Variants in ZSWIM4 observed in about 807,000 individuals in gnomAD.
ZSWIM4 encodes the protein zinc finger SWIM domain-containing protein 4.
A neutral mutation model predicts 102.5 loss-of-function variants in ZSWIM4; 62 were observed. That is an observed-to-expected ratio of 0.60 (90% CI 0.49 to 0.75). ZSWIM4 has a LOEUF of 0.75. ZSWIM4 is among the 30% of genes least tolerant of loss of function. ZSWIM4 has a pLI of 0.00. For synonymous variants in ZSWIM4, 652 were observed against 674.5 expected, an observed-to-expected ratio of 0.97 and a Z score of 0.52; for missense variants, 1,280 against 1,529.6, an observed-to-expected ratio of 0.84 and a Z score of 2.72.
chr19:13,817,958 G>A lies in ZSWIM4; in HGVS notation c.1906G>A (p.Ala636Thr), dbSNP rs751983150. 76 of 1,517,842 alleles carry A rather than the reference G, an allele frequency of 5.0e-5. No homozygotes were observed. Among genetic ancestry groups the A allele is most frequent in the Middle Eastern group, 2.2e-4 (1 of 4,448 alleles). 94.0% of individuals were successfully genotyped at this position (1,517,842 alleles called of 1,614,324 possible). A position where few individuals can be genotyped will look rare whatever the true frequency, so the allele number is the denominator to read the frequency against. The change falls in exon 9 of 14, where the codon GCG (alanine) becomes ACG (threonine). Residue 636 changes from alanine (A) to threonine (T), a missense_variant. Transcript: ENST00000590508. ...GTTGGTGCAGGTGCTGCGCAAGCAG[G>A]CGGGGCTGCTGCTGGAAGGTGAGGC... The part of the protein sequence containing the change: ...ERLVQVLRKQ[A>T]GLLLEGGPFS...
intron 3 of ZSWIM4, among the ~76,000 whole-genome samples, chr19:13,805,522 T>G (rs1974896274): frequency 6.8e-6 from 1 of 147,104 alleles, no homozygotes; most frequent in Non-Finnish European, 1.5e-5. Context: ...GTGTCAGAGG[T>G]GTTATGGGTG....
rs1188564641 is a variant in ZSWIM4 at position 13,830,478 on chromosome 19, C to G, written c.2749C>G (p.Leu917Val). The change falls in exon 14 of 14, where the codon CTG becomes GTG. Residue 917 changes from leucine to valine, a missense_variant. Transcript: ENST00000590508. Reference sequence around the variant, plus strand: ...CGTGCTGGACGCGGCGGCCGGCGGCCTGGGCCACGCCCACCTCTTCACTGT... The same window carrying G: ...CGTGCTGGACGCGGCGGCCGGCGGCGTGGGCCACGCCCACCTCTTCACTGT... Reference protein sequence around the residue: ...QIVLDAAAGGLGHAHLFTVAR... With the variant: ...QIVLDAAAGGVGHAHLFTVAR... 2 of 1,602,050 alleles carry G rather than the reference C, an allele frequency of 1.2e-6. No homozygotes were observed. Among genetic ancestry groups the G allele is most frequent in the South Asian group, 2.2e-5 (2 of 91,028 alleles).
At chr19:13,828,770 G>T (rs111409282) in intron 13 of ZSWIM4, 44 bp downstream of exon 13, 2 of 1,576,050 alleles carry the variant, frequency 1.3e-6, no homozygotes, top group Non-Finnish European at 1.7e-6. Flanking sequence ...CGCTGTTCTG[G>T]TTCTGCAGAG....
chr19:13,818,074 C>A (rs1568339538), intron 9 of ZSWIM4, 98 bp downstream of exon 9: 8 of 1,408,082 alleles, frequency 5.7e-6, no homozygotes, highest in Non-Finnish European at 6.5e-6. Context: ...GGCCCCGCCC[C>A]AGCCCCGCCC....
intron 12 of ZSWIM4, 64 bp from the exon 13 acceptor site, chr19:13,828,581 A>T (rs1232471838): frequency 6.7e-7 from 1 of 1,488,820 alleles, no homozygotes; most frequent in Non-Finnish European, 9.4e-7. Flanking sequence ...CCATCTCCCA[A>T]CGCCCCTCCA....
chr19:13,820,761 A>T (rs772140528), intron 10 of ZSWIM4, among the ~76,000 whole-genome samples: 1 of 152,176 alleles, frequency 6.6e-6, no homozygotes, highest in Non-Finnish European at 1.5e-5. Flanking sequence ...TACATCCTGT[A>T]TCTATTCTTT....
At chr19:13,812,301 T>G (rs1005386221) in intron 5 of ZSWIM4, among the ~76,000 whole-genome samples, 3 of 151,954 alleles carry the variant, frequency 2.0e-5, no homozygotes, top group Admixed American at 6.6e-5. Flanking sequence ...GTTTTTGTTT[T>G]GTTTTGTTTT....
At chr19:13,815,401 C>T (rs2145327208) in intron 7 of ZSWIM4, 1 of 151,420 alleles carries the variant, frequency 6.6e-6, no homozygotes, top group East Asian at 1.9e-4. Flanking sequence ...GGTGATCTGC[C>T]TGCCTTGGCC....
intron 2 of ZSWIM4, among the ~76,000 whole-genome samples, chr19:13,802,664 A>G (rs1287842797): frequency 2.6e-5 from 4 of 151,316 alleles, no homozygotes; most frequent in Non-Finnish European, 5.9e-5. Flanking sequence ...CTGCAGCCAC[A>G]AACATCTGAG....
chr19:13,811,827 C>T (rs1975102183), intron 5 of ZSWIM4, among the ~76,000 whole-genome samples: 1 of 152,202 alleles, frequency 6.6e-6, no homozygotes, highest in African/African-American at 2.4e-5. Flanking sequence ...TTAATTCCAG[C>T]AGTTTGGGAG....
At chr19:13,815,837 G>T (rs1183111124) in intron 7 of ZSWIM4, among the ~76,000 whole-genome samples, 1 of 151,750 alleles carries the variant, frequency 6.6e-6, no homozygotes, top group African/African-American at 2.4e-5. Flanking sequence ...TACTAGGGAG[G>T]CTGCGGCATG....
At chr19:13,815,126 C>T (rs1036253353) in intron 7 of ZSWIM4, 2 of 165,756 alleles carry the variant, frequency 1.2e-5, no homozygotes, top group African/African-American at 2.4e-5. Context: ...TATGCCACTG[C>T]ACTCTAGCCT....
chr19:13,830,796 G>C lies in ZSWIM4; in HGVS notation c.3067G>C (p.Gly1023Arg). The change falls in exon 14 of 14, where the codon GGT becomes CGT. Residue 1023 changes from glycine (G) to arginine (R), a missense_variant. Transcript: ENST00000590508. The part of the protein sequence containing the change: ...LGARRAAKPL[G>R]ADRAPLCQLL... ...GGCACGCCGGGCCGCCAAGCCACTGGGTGCCGACCGGGCGCCGCTCTGCCA... is the reference window on the plus strand; with the variant it reads ...GGCACGCCGGGCCGCCAAGCCACTGCGTGCCGACCGGGCGCCGCTCTGCCA... The C allele has an allele frequency of 1.2e-6, 2 of 1,603,770 alleles. No homozygotes were observed. The highest frequency in any genetic ancestry group is 2.2e-5 in the South Asian group (2 of 90,160).
chr19:13,829,173 C>T (rs1391881840), intron 13 of ZSWIM4, among the ~76,000 whole-genome samples: 3 of 149,568 alleles, frequency 2.0e-5, no homozygotes, highest in Non-Finnish European at 3.0e-5. Context: ...TAGTCCTATC[C>T]GGAGGGCTGA....
At chr19:13,826,806 G>T (rs1975623957) in intron 12 of ZSWIM4, among the ~76,000 whole-genome samples, 1 of 152,102 alleles carries the variant, frequency 6.6e-6, no homozygotes, top group Non-Finnish European at 1.5e-5. Flanking sequence ...GCCTGCAACT[G>T]AGTGTCTGGG....
rs1187858952 is a variant in ZSWIM4, at chr19:13,808,885, G to A, written c.762G>A (p.Trp254Ter). 3.7e-6 allele frequency: 6 copies of A among 1,612,324 alleles called. No individual in the cohort carries two copies. The highest frequency in any genetic ancestry group is 5.1e-6 in the Non-Finnish European group (6 of 1,179,342). ...AGAGIEDANC[W>*]HLDEEQIQEQ... ...CAGGAATCGAGGACGCCAACTGCTG[G>A]CACCTGGACGAGGAGCAGATCCAGG... Residue 254 changes from tryptophan (W) to a stop codon, truncating the protein, a stop_gained, in exon 4 of 14, where the codon TGG becomes TGA. Transcript: ENST00000590508. LOFTEE classifies it high-confidence loss of function.
At position 13,817,751 on chromosome 19, in the gene ZSWIM4, T is replaced by C; in HGVS notation, c.1699T>C (p.Tyr567His). 6.2e-7 allele frequency: 1 copy of C among 1,606,446 alleles called. No individual in the cohort carries two copies. Among genetic ancestry groups the C allele is most frequent in the Non-Finnish European group, 8.5e-7 (1 of 1,177,456 alleles). The change falls in exon 9 of 14, where the codon TAC (tyrosine) becomes CAC (histidine). Residue 567 changes from tyrosine to histidine, a missense_variant. By Grantham distance (83) the Tyr-to-His change is moderately conservative. Coordinates refer to ENST00000590508, the MANE Select transcript of ZSWIM4 (RefSeq NM_001367834.3). ...AGGCCCCGAGAAGCGGAAGGTGGCC[T>C]ACCAGCACGTGCCTGTGCCCGGGAG... ...DSGPEKRKVA[Y>H]QHVPVPGSPG... is the part of the protein sequence containing the mutation.
At position 13,832,094 on chromosome 19, in the gene ZSWIM4, A is replaced by G. The variant is rs1975782994; in HGVS notation, c.*1044A>G. On this transcript the variant is annotated 3_prime_UTR_variant, in exon 14 of 14. Transcript: ENST00000590508. ...CACATCATTTTGTAACTTTTTTTCTATTTATTGAACGGTGTATTACATGTC... is the reference window on the plus strand; with the variant it reads ...CACATCATTTTGTAACTTTTTTTCTGTTTATTGAACGGTGTATTACATGTC... 7.2e-6 allele frequency: 1 copy of G among 137,964 alleles called. No individual in the cohort carries two copies. The highest frequency in any genetic ancestry group is 7.5e-5 in the Admixed American group (1 of 13,400). 8.5% of individuals were successfully genotyped at this position (137,964 alleles called of 1,614,324 possible). A position where few individuals can be genotyped will look rare whatever the true frequency, so the allele number is the denominator to read the frequency against.
At chr19:13,799,274 CTT>C (rs33931479) in intron 1 of ZSWIM4, among the ~76,000 whole-genome samples, 3,986 of 117,670 alleles carry the variant, frequency 0.034, 199 homozygotes, top group African/African-American at 0.12. Context: ...ATTTTTTTAT[CTT>C]TTTTTTTTTT....
Sources: allele counts gnomAD v4.1 joint callset (sites outside exome capture counted in the v4.1 genomes callset), GRCh38; gene constraint gnomAD v4.1.1; transcripts MANE v1.5; gene names NCBI Gene and HGNC (gene_info 2026-07-23, HGNC 2026-07-21).